Variants in ACO1 observed in about 807,000 individuals in gnomAD.
ACO1 encodes cytoplasmic aconitate hydratase.
In ACO1, 78 loss-of-function variants were observed where a neutral mutation model predicts 105.1. The ratio of observed to expected loss-of-function variants is 0.74; its 90% confidence interval spans 0.62 to 0.90. The LOEUF is 0.90. Ranked by LOEUF, ACO1 falls within the 40% of genes least tolerant of loss-of-function variation. The probability of loss-of-function intolerance (pLI) is 0.00; values close to 1 mark genes in which losing one functional copy is unlikely to be tolerated. For synonymous variants in ACO1, 364 were observed against 397.4 expected (o/e 0.92, Z 1.00); for missense variants, 965 against 1,111.1 (o/e 0.87, Z 1.87).
intron 18 of ACO1, 59 bp downstream of exon 18, chr9:32,436,456 GGATATTTACAGTTA>G (rs1377931210): frequency 4.4e-6 from 7 of 1,592,364 alleles, no homozygotes; most frequent in Non-Finnish European, 4.3e-6. Context: ...GGTGGAGGTT[GGATATTTACAGTTA>G]CTCGCCTTTT....
At position 32,418,340 on chromosome 9, in the gene ACO1, G is replaced by C; in HGVS notation, c.487G>C (p.Ala163Pro). ...RFEFLKWGSQ[A>P]FHNMRIIPPG... ...TTGTCAATCCCAGTGGGGTTCCCAG[G>C]CTTTTCACAACATGCGGATTATTCC... Residue 163 changes from alanine (A) to proline (P), a missense_variant, in exon 6 of 21, where the codon GCT (alanine) becomes CCT (proline). Transcript: ENST00000309951. 1 of 1,614,126 alleles carries C rather than the reference G, an allele frequency of 6.2e-7. No individual in the cohort carries two copies. Among genetic ancestry groups the C allele is most frequent in the Non-Finnish European group, 8.5e-7 (1 of 1,180,008 alleles).
intron 1 of ACO1, among the ~76,000 whole-genome samples, chr9:32,394,172 C>A (rs79017439): frequency 0.012 from 1,754 of 152,296 alleles, 18 homozygotes; most frequent in Middle Eastern, 0.037. Context: ...CATCTGCCAG[C>A]TTATTCTTTC....
intron 1 of ACO1, among the ~76,000 whole-genome samples, chr9:32,385,741 A>G (rs1697495569): frequency 6.6e-6 from 1 of 152,146 alleles, no homozygotes; most frequent in African/African-American, 2.4e-5. Context: ...TCCACTGTAT[A>G]CTCCTGAAAA....
Position 32,449,993 on chromosome 9 carries a change from C to T in ACO1, c.2557-5C>T, listed in dbSNP as rs748497598. 6.2e-7 allele frequency: 1 copy of T among 1,611,774 alleles called. No homozygotes were observed. The highest frequency in any genetic ancestry group is 8.5e-7 in the Non-Finnish European group (1 of 1,178,094). On this transcript the variant is annotated splice_polypyrimidine_tract_variant and splice_region_variant and intron_variant, in intron 20 of 20. Transcript: ENST00000309951. Reference sequence around the variant, plus strand: ...CAATGATGCTTCTGTTTCTTTGTGCCACAGCTGGATACTGGCAAGACCTTC... The same window carrying T: ...CAATGATGCTTCTGTTTCTTTGTGCTACAGCTGGATACTGGCAAGACCTTC...
intron 1 of ACO1, among the ~76,000 whole-genome samples, chr9:32,387,964 C>T (rs1821188629): frequency 6.6e-6 from 1 of 152,128 alleles, no homozygotes; most frequent in Non-Finnish European, 1.5e-5. Context: ...CCAAGATGGA[C>T]GTAGCGGGCA....
chr9:32,398,007 A>G (rs1048372343), intron 1 of ACO1, among the ~76,000 whole-genome samples: 1 of 152,104 alleles, frequency 6.6e-6, no homozygotes, highest in Non-Finnish European at 1.5e-5. Flanking sequence ...TACCCCCAAA[A>G]CAAACAAACA....
At chr9:32,392,637 T>C (rs1821289447) in intron 1 of ACO1, among the ~76,000 whole-genome samples, 1 of 152,236 alleles carries the variant, frequency 6.6e-6, no homozygotes, top group Non-Finnish European at 1.5e-5. Context: ...ATCTTGTTCA[T>C]TGGCTCTGCC....
At position 32,437,444 on chromosome 9, in the gene ACO1, C is replaced by T. The variant is rs112157369; in HGVS notation, c.2247+1047C>T. 8.9e-4 allele frequency among the ~76,000 whole-genome samples: 136 copies of T among 152,144 alleles called. 5 individuals carry two copies. The South Asian group carries it at 0.026, about 29-fold the overall frequency. ...AATAACCAGTACCTAGCCCAGCAGA[C>T]GCCTGTTCAATGGATAGCAGAGGTT... On this transcript the variant is annotated intron_variant, in intron 18 of 20. Coordinates refer to ENST00000309951, the MANE Select transcript of ACO1 (RefSeq NM_002197.3).
chr9:32,446,828 T>A (rs1822619552), intron 19 of ACO1, among the ~76,000 whole-genome samples: 1 of 152,186 alleles, frequency 6.6e-6, no homozygotes. Context: ...GGATTTTATG[T>A]CTCCTTAACA....
intron 15 of ACO1, among the ~76,000 whole-genome samples, chr9:32,432,284 T>G (rs1185058699): frequency 6.6e-6 from 1 of 152,220 alleles, no homozygotes; most frequent in Non-Finnish European, 1.5e-5. Flanking sequence ...AGTGCCAAAC[T>G]ACTGAAATAA....
chr9:32,429,987 T>C (rs1822189892), intron 13 of ACO1, among the ~76,000 whole-genome samples: 1 of 152,262 alleles, frequency 6.6e-6, no homozygotes. Context: ...GAATCTAAAC[T>C]AAATTGCTTT....
intron 1 of ACO1, among the ~76,000 whole-genome samples, chr9:32,395,980 A>G (rs999923410): frequency 6.6e-6 from 1 of 152,184 alleles, no homozygotes; most frequent in African/African-American, 2.4e-5. Context: ...AGCCCTCAAG[A>G]GGCAGGGGCT....
At position 32,452,563 on chromosome 9, in the gene ACO1, A is replaced by T. The variant is rs1460395816; in HGVS notation, c.*2452A>T. ...TAAGCCACCCAGTTGATATTTAGTT[A>T]CAGCAGCCCAACCAAGACTGTGGTT... On this transcript the variant is annotated 3_prime_UTR_variant, in exon 21 of 21. Transcript: ENST00000309951. The T allele has an allele frequency of 6.6e-6, 1 of 152,202 alleles. No homozygotes were observed. Among genetic ancestry groups the T allele is most frequent in the African/African-American group, 2.4e-5 (1 of 41,434 alleles). 9.4% of individuals were successfully genotyped at this position (152,202 alleles called of 1,614,324 possible).
rs1295880646 is a variant in ACO1, at chr9:32,429,202, T to C, written c.1485-217T>C. Among the ~76,000 whole-genome samples, 5 of 152,234 alleles carry C rather than the reference T, an allele frequency of 3.3e-5. No homozygotes were observed. The East Asian group carries it at 9.6e-4, about 29-fold the overall frequency. On this transcript the variant is annotated intron_variant, in intron 12 of 20. Transcript: ENST00000309951. Reference sequence around the variant, plus strand: ...TTTTTAAATTGTTGCTCATTCAATTTGATTCCTTTTTATAAGTTAAAAATA... The same window carrying C: ...TTTTTAAATTGTTGCTCATTCAATTCGATTCCTTTTTATAAGTTAAAAATA...
chr9:32,423,849 C>G (rs13283002), intron 9 of ACO1, among the ~76,000 whole-genome samples: 44,563 of 151,976 alleles, frequency 0.29, 7,361 homozygotes, highest in East Asian at 0.53. Flanking sequence ...CAGAAATCAC[C>G]GCTAAAGAAC....
chr9:32,419,885 A>G (rs575627159), intron 7 of ACO1, among the ~76,000 whole-genome samples: 2 of 152,218 alleles, frequency 1.3e-5, no homozygotes, highest in Non-Finnish European at 2.9e-5. Flanking sequence ...GTTTTTAATG[A>G]TCACAAACAT....
chr9:32,434,771 CTCT>C, intron 17 of ACO1, 70 bp downstream of exon 17: 1 of 1,556,200 alleles, frequency 6.4e-7, no homozygotes, highest in Non-Finnish European at 8.8e-7. Flanking sequence ...GCCAGCATTT[CTCT>C]TTTCACCTGG....
intron 1 of ACO1, among the ~76,000 whole-genome samples, chr9:32,401,685 T>G (rs892603341): frequency 6.6e-6 from 1 of 152,220 alleles, no homozygotes; most frequent in African/African-American, 2.4e-5. Context: ...GTAGCAAGAC[T>G]GTGGTTGGGG....
At chr9:32,407,212 C>A in intron 2 of ACO1, 49 bp from the exon 3 acceptor site, 2 of 1,587,682 alleles carry the variant, frequency 1.3e-6, no homozygotes, top group Non-Finnish European at 1.7e-6. Context: ...AAAGAGCGCT[C>A]TTAAGTTGTC....
Sources: gnomAD v4.1 joint callset for allele counts (sites outside exome capture counted in the v4.1 genomes callset) on GRCh38, gnomAD v4.1.1 for gene constraint, MANE v1.5 for transcripts, NCBI Gene and HGNC (gene_info 2026-07-23, HGNC 2026-07-21) for gene names.